Variants in PLCZ1 observed in about 807,000 individuals in gnomAD.
PLCZ1 encodes the protein 1-phosphatidylinositol 4,5-bisphosphate phosphodiesterase zeta-1.
Under a neutral mutation model 76.8 loss-of-function variants are expected in PLCZ1, and 64 were observed. The ratio of observed to expected loss-of-function variants is 0.83; its 90% CI spans 0.68 to 1.03. The LOEUF is 1.03. PLCZ1 is among the 50% of genes least tolerant of loss of function. The pLI, the probability that PLCZ1 is intolerant of heterozygous loss-of-function variation, is 0.00. For synonymous variants in PLCZ1, 248 were observed against 230.8 expected (o/e 1.07, Z -0.68); for missense variants, 751 against 713.7 (o/e 1.05, Z -0.60).
chr12:18,694,472 G>T (rs1214125141), intron 12 of PLCZ1, among the ~76,000 whole-genome samples: 1 of 152,066 alleles, frequency 6.6e-6, no homozygotes, highest in East Asian at 1.9e-4. Flanking sequence ...GACATATGGG[G>T]GGAAGAATCC....
At chr12:18,685,007 C>T (rs949026888) in intron 13 of PLCZ1, among the ~76,000 whole-genome samples, 2 of 151,996 alleles carry the variant, frequency 1.3e-5, no homozygotes, top group Non-Finnish European at 2.9e-5. Flanking sequence ...CCTGAGGCCT[C>T]CCCAGCCATG....
intron 3 of PLCZ1, chr12:18,731,098 T>C (rs1170659859): frequency 6.6e-6 from 1 of 152,062 alleles, no homozygotes; most frequent in Non-Finnish European, 1.5e-5. Flanking sequence ...ACCTCCTCTT[T>C]GTGGTTTGTA....
At chr12:18,657,870 G>C in the PLCZ1 span, among the ~76,000 whole-genome samples, 1 of 152,068 alleles carries the variant, frequency 6.6e-6, no homozygotes, top group African/African-American at 2.4e-5. Context: ...TCATCTATTG[G>C]ACTTACTAGA....
the PLCZ1 span, among the ~76,000 whole-genome samples, chr12:18,658,601 G>C: frequency 1.3e-5 from 2 of 151,872 alleles, no homozygotes; most frequent in African/African-American, 4.8e-5. Context: ...AAAAATAAAG[G>C]AGAATTTTTT....
At chr12:18,685,564 C>A in intron 13 of PLCZ1, 2 of 471,906 alleles carry the variant, frequency 4.2e-6, no homozygotes, top group Non-Finnish European at 8.6e-6. Flanking sequence ...GTCACAAGAG[C>A]ACATTTACCA....
intron 5 of PLCZ1, chr12:18,715,742 T>C (rs1957915405): frequency 6.6e-6 from 1 of 152,224 alleles, no homozygotes; most frequent in African/African-American, 2.4e-5. Flanking sequence ...ACGCAAGTCA[T>C]CATCCCACTT....
At chr12:18,727,709 A>G (rs1011353350) in intron 3 of PLCZ1, among the ~76,000 whole-genome samples, 30 of 152,160 alleles carry the variant, frequency 2.0e-4, no homozygotes, top group African/African-American at 7.2e-4. Flanking sequence ...AGAGTTATTG[A>G]TCAGTTTTAA....
chr12:18,681,808 C>T (rs149228544), downstream of PLCZ1, among the ~76,000 whole-genome samples: 61 of 152,070 alleles, frequency 4.0e-4, no homozygotes, highest in East Asian at 9.9e-3. Flanking sequence ...TTTTCTCTCT[C>T]ATTTCAAAGC....
the PLCZ1 span, among the ~76,000 whole-genome samples, chr12:18,666,586 T>C: frequency 1.3e-5 from 2 of 151,984 alleles, no homozygotes; most frequent in Non-Finnish European, 2.9e-5. Flanking sequence ...ACTGACAGAA[T>C]TGAAGAAAGA....
chr12:18,730,312 A>G (rs1291080552), intron 3 of PLCZ1, among the ~76,000 whole-genome samples: 1 of 152,158 alleles, frequency 6.6e-6, no homozygotes. Context: ...AGCTATCCAT[A>G]AAATACAGTT....
At chr12:18,663,557 C>T in the PLCZ1 span, among the ~76,000 whole-genome samples, 1 of 151,776 alleles carries the variant, frequency 6.6e-6, no homozygotes, top group Non-Finnish European at 1.5e-5. Context: ...GAAATAATCC[C>T]ACATTGATAC....
At chr12:18,724,482 ACT>A (rs1164079770) in intron 3 of PLCZ1, among the ~76,000 whole-genome samples, 3 of 152,038 alleles carry the variant, frequency 2.0e-5, no homozygotes, top group African/African-American at 7.2e-5. Flanking sequence ...TAACATCTTA[ACT>A]CTCTTGTTAC....
intron 3 of PLCZ1, among the ~76,000 whole-genome samples, chr12:18,728,065 G>A (rs986091639): frequency 6.6e-6 from 1 of 152,124 alleles, no homozygotes; most frequent in African/African-American, 2.4e-5. Flanking sequence ...CAGTTTAAGA[G>A]GGAAAGACGA....
intron 6 of PLCZ1, among the ~76,000 whole-genome samples, chr12:18,709,234 C>A (rs1006411703): frequency 7.3e-6 from 1 of 137,908 alleles, no homozygotes; most frequent in Non-Finnish European, 1.6e-5. Context: ...TTTAGCATGT[C>A]GAAATTCAGT....
the PLCZ1 span, among the ~76,000 whole-genome samples, chr12:18,672,694 T>A: frequency 6.6e-6 from 1 of 152,160 alleles, no homozygotes; most frequent in African/African-American, 2.4e-5. Context: ...TTAAGGAACA[T>A]GACCATCCCA....
chr12:18,696,193 AG>A lies in PLCZ1; in HGVS notation c.1247del (p.Ser416LeufsTer11). On this transcript the variant is annotated frameshift_variant, in exon 11 of 15. Coordinates refer to ENST00000266505, the MANE Select transcript of PLCZ1 (RefSeq NM_033123.4). LOFTEE classifies it high-confidence loss of function. ...TCCAAAATTCTTGGGGATTAAAATT[AG>A]AAGAGTCTGCTCTTGTTGCTTTGGG... is the stretch of plus-strand genomic sequence containing the variant. Reference protein sequence around the residue: ...IYPKATRADSSNFNPQEFWNI... With the variant: ...IYPKATRADSXNFNPQEFWNI... The A allele has an allele frequency of 6.3e-7, 1 of 1,598,828 alleles. No homozygotes were observed. The highest frequency in any genetic ancestry group is 1.1e-5 in the South Asian group (1 of 90,012).
chr12:18,670,915 G>T, the PLCZ1 span, among the ~76,000 whole-genome samples: 2 of 152,140 alleles, frequency 1.3e-5, no homozygotes, highest in African/African-American at 2.4e-5. Context: ...GGGCACAGTG[G>T]CTCATGCCTG....
At chr12:18,695,297 T>C (rs1401789955) in intron 11 of PLCZ1, among the ~76,000 whole-genome samples, 1 of 152,168 alleles carries the variant, frequency 6.6e-6, no homozygotes, top group Non-Finnish European at 1.5e-5. Context: ...GTAAGTAAAT[T>C]ACTACACAGC....
chr12:18,725,875 C>A (rs1210323675), intron 3 of PLCZ1, among the ~76,000 whole-genome samples: 1 of 152,090 alleles, frequency 6.6e-6, no homozygotes, highest in Non-Finnish European at 1.5e-5. Flanking sequence ...CTCTAGAAAT[C>A]TTCCTCTGTA....
Sources: gnomAD v4.1 joint callset for allele counts (sites outside exome capture counted in the v4.1 genomes callset) on GRCh38, gnomAD v4.1.1 for gene constraint, MANE v1.5 for transcripts, NCBI Gene and HGNC (gene_info 2026-07-23, HGNC 2026-07-21) for gene names.